The following GRM7 variants were observed in gnomAD, a reference collection of about 807,000 sequenced individuals.
GRM7 encodes the protein metabotropic glutamate receptor 7.
A neutral mutation model predicts 84.5 loss-of-function variants in GRM7; 35 were observed. That is an observed-to-expected ratio of 0.41 (90% CI 0.32 to 0.55). The LOEUF is 0.55. GRM7 is among the 20% of genes least tolerant of loss of function. GRM7 has a pLI of 0.19. For synonymous variants in GRM7, 487 were observed against 455.1 expected (o/e 1.07, Z -0.89); for missense variants, 1,003 against 1,194.6 (o/e 0.84, Z 2.36).
chr3:7,548,615 G>T (rs926705042), intron 7 of GRM7, among the ~76,000 whole-genome samples: 1 of 152,198 alleles, frequency 6.6e-6, no homozygotes, highest in South Asian at 2.1e-4. Context: ...GGGAGGGTGG[G>T]AAGCAGAGCC....
At chr3:7,164,185 C>G (rs2048855) in intron 2 of GRM7, among the ~76,000 whole-genome samples, 1 of 151,970 alleles carries the variant, frequency 6.6e-6, no homozygotes, top group African/African-American at 2.4e-5. Context: ...ATGGTGAAAC[C>G]CCATCCCTAC....
chr3:7,722,100 C>T (rs557922367), intron 9 of GRM7, among the ~76,000 whole-genome samples: 1 of 152,194 alleles, frequency 6.6e-6, no homozygotes, highest in Non-Finnish European at 1.5e-5. Flanking sequence ...AAAAACCAAA[C>T]AACGAATTTA....
chr3:7,056,054 A>T (rs1026679403), intron 1 of GRM7, among the ~76,000 whole-genome samples: 1 of 151,966 alleles, frequency 6.6e-6, no homozygotes, highest in South Asian at 2.1e-4. Context: ...AACAACAATC[A>T]TGCAAATATA....
At chr3:7,105,146 A>G (rs767115314) in intron 1 of GRM7, among the ~76,000 whole-genome samples, 7 of 151,744 alleles carry the variant, frequency 4.6e-5, no homozygotes, top group Non-Finnish European at 1.0e-4. Context: ...TATATTCTTG[A>G]CTTCATTCCT....
intron 5 of GRM7, among the ~76,000 whole-genome samples, chr3:7,439,054 A>G (rs2124866785): frequency 6.6e-6 from 1 of 152,328 alleles, no homozygotes; most frequent in East Asian, 1.9e-4. Context: ...TGTCATTAAA[A>G]TGAATAAAAT....
chr3:6,952,157 T>G (rs184858615), intron 1 of GRM7, among the ~76,000 whole-genome samples: 1 of 152,284 alleles, frequency 6.6e-6, no homozygotes, highest in African/African-American at 2.4e-5. Context: ...TTTCATTCAT[T>G]CTGGTGTTCC....
intron 2 of GRM7, among the ~76,000 whole-genome samples, chr3:7,261,420 G>A (rs1480325017): frequency 6.6e-6 from 1 of 152,090 alleles, no homozygotes; most frequent in Non-Finnish European, 1.5e-5. Flanking sequence ...TGCAACCCAT[G>A]CTTTTTTCTG....
At chr3:7,443,680 G>C (rs139398989) in intron 5 of GRM7, among the ~76,000 whole-genome samples, 2,058 of 152,006 alleles carry the variant, frequency 0.014, 27 homozygotes, top group Non-Finnish European at 0.019. Context: ...GTGTTGATTT[G>C]GTTATGTATT....
intron 8 of GRM7, among the ~76,000 whole-genome samples, chr3:7,638,107 ACTT>A (rs1698186358): frequency 6.6e-6 from 1 of 152,200 alleles, no homozygotes; most frequent in Non-Finnish European, 1.5e-5. Context: ...ACAATTATCT[ACTT>A]CTTCTTCATT....
intron 7 of GRM7, among the ~76,000 whole-genome samples, chr3:7,550,192 C>CAA (rs202139296): frequency 6.7e-6 from 1 of 148,924 alleles, no homozygotes; most frequent in African/African-American, 2.5e-5. Context: ...GCCCAGAGGC[C>CAA]AAAAAAAAAC....
intron 7 of GRM7, among the ~76,000 whole-genome samples, chr3:7,575,986 G>A (rs906110733): frequency 6.6e-5 from 10 of 152,188 alleles, no homozygotes; most frequent in Non-Finnish European, 1.3e-4. Flanking sequence ...ATATTTGTAT[G>A]AGCCCTACAT....
At chr3:7,107,629 T>C (rs1299501670) in intron 1 of GRM7, among the ~76,000 whole-genome samples, 1 of 152,106 alleles carries the variant, frequency 6.6e-6, no homozygotes, top group African/African-American at 2.4e-5. Flanking sequence ...GGATCTATAT[T>C]TCAAGAAGAG....
chr3:7,583,070 A>T (rs1185634835), intron 8 of GRM7, among the ~76,000 whole-genome samples: 1 of 152,208 alleles, frequency 6.6e-6, no homozygotes, highest in African/African-American at 2.4e-5. Flanking sequence ...GGAGGTCCAG[A>T]AATCAAGGAA....
chr3:7,131,139 C>G (rs886907749), intron 1 of GRM7, among the ~76,000 whole-genome samples: 1 of 152,136 alleles, frequency 6.6e-6, no homozygotes, highest in South Asian at 2.1e-4. Context: ...TAGGCAAATG[C>G]TCAGCTTTGC....
chr3:7,672,629 G>A lies in GRM7; in HGVS notation c.2452-7420G>A, dbSNP rs553637537. ...TTTTTTTTTTTTTTTTTTTGAGACG[G>A]AGTCTCGCTCTGTCACCCAGGCTGG... On this transcript the variant is annotated intron_variant, in intron 8 of 9. Transcript: ENST00000357716. Among the ~76,000 whole-genome samples the A allele has an allele frequency of 1.5e-3, 218 of 147,890 alleles. 1 individual carries two copies. Among genetic ancestry groups the A allele is most frequent in the Non-Finnish European group, 2.7e-3 (180 of 67,232 alleles).
At chr3:7,740,262 T>C in intron 9 of GRM7, 95 bp from the exon 10 acceptor site, 1 of 792,472 alleles carries the variant, frequency 1.3e-6, no homozygotes, top group South Asian at 1.6e-5. Context: ...TCACCTCACT[T>C]TGACTTTGCA....
intron 1 of GRM7, among the ~76,000 whole-genome samples, chr3:7,095,955 A>G (rs1485350540): frequency 6.6e-6 from 1 of 152,196 alleles, no homozygotes; most frequent in Non-Finnish European, 1.5e-5. Context: ...TATTTTAGGT[A>G]TACATTGTGT....
At chr3:7,178,015 C>T (rs191748197) in intron 2 of GRM7, among the ~76,000 whole-genome samples, 26 of 152,192 alleles carry the variant, frequency 1.7e-4, no homozygotes, top group African/African-American at 5.1e-4. Context: ...CTTGCTTTTG[C>T]TCAGATTTGT....
chr3:7,290,929 CCTCTAT>C (rs1299181251), intron 2 of GRM7, among the ~76,000 whole-genome samples: 1 of 151,982 alleles, frequency 6.6e-6, no homozygotes, highest in African/African-American at 2.4e-5. Context: ...ACTCTCAGTA[CCTCTAT>C]CACCAAAATC....
Sources: gnomAD v4.1 joint callset for allele counts (sites outside exome capture counted in the v4.1 genomes callset) on GRCh38, gnomAD v4.1.1 for gene constraint, MANE v1.5 for transcripts, NCBI Gene and HGNC (gene_info 2026-07-23, HGNC 2026-07-21) for gene names.